Variants in ERCC8 observed in about 807,000 individuals in gnomAD.
ERCC8 encodes ERCC excision repair 8, CSA ubiquitin ligase complex subunit, also known as DNA excision repair protein ERCC-8.
In ERCC8, 52 loss-of-function variants were observed where a neutral mutation model predicts 54.9. That is an observed-to-expected ratio of 0.95 (90% confidence interval 0.76 to 1.19). The LOEUF is 1.19. Among genes scored for constraint, ERCC8 ranks in the 50% most tolerant of loss-of-function variants. The pLI is 0.00. For missense variants in ERCC8, 514 were observed against 466.1 expected (o/e 1.10, Z -0.95); for synonymous variants, 146 against 157.2 (o/e 0.93, Z 0.53).
At chr5:60,890,831 T>C in intron 10 of ERCC8, 58 bp downstream of exon 10, 2 of 1,216,740 alleles carry the variant, frequency 1.6e-6, no homozygotes, top group Non-Finnish European at 2.4e-6. Context: ...TTCTTTTACA[T>C]ATAACTGGTC....
In ERCC8 at chr5:60,899,838, T is replaced by A. The variant is rs1193850866; in HGVS notation, c.618-111A>T. The A allele has an allele frequency of 8.9e-6, 7 of 787,706 alleles. No homozygotes were observed. In the East Asian group the frequency reaches 1.7e-4, roughly 19 times the overall value. 48.8% of individuals were successfully genotyped at this position (787,706 alleles called of 1,614,324 possible). Reference sequence around the variant, plus strand: ...AGAGGTCTCGTTATATAGGTACATATGTATTCATACATTAGGGTTGTTGAA... The same window carrying A: ...AGAGGTCTCGTTATATAGGTACATAAGTATTCATACATTAGGGTTGTTGAA... On this transcript the variant is annotated intron_variant, in intron 7 of 11. Transcript: ENST00000676185.
intron 11 of ERCC8, 122 bp from the exon 12 acceptor site, chr5:60,874,805 T>C: frequency 2.6e-6 from 2 of 782,444 alleles, no homozygotes; most frequent in Non-Finnish European, 4.1e-6. Context: ...TGGAAGAAAA[T>C]GTATAACTGT....
intron 11 of ERCC8, among the ~76,000 whole-genome samples, chr5:60,878,949 A>C (rs1381501745): frequency 1.3e-5 from 2 of 151,912 alleles, no homozygotes; most frequent in Admixed American, 6.6e-5. Context: ...TAGTTCTTTT[A>C]ATTGTGATGT....
chr5:60,872,614 C>G lies in ERCC8; in HGVS notation c.*2001G>C, dbSNP rs1303095493. 1.3e-5 allele frequency among the ~76,000 whole-genome samples: 2 copies of G among 152,086 alleles called. No homozygotes were observed. The highest frequency in any genetic ancestry group is 4.8e-5 in the African/African-American group (2 of 41,440). ...CACCTAACACCTGTTAGAATGGCTA[C>G]TATCAATAACACAAAAGATAACAAG... On this transcript the variant is annotated 3_prime_UTR_variant, in exon 12 of 12. Coordinates refer to ENST00000676185, the MANE Select transcript of ERCC8 (RefSeq NM_000082.4).
At chr5:60,942,549 AG>A (rs1750292000) in intron 1 of ERCC8, among the ~76,000 whole-genome samples, 1 of 152,222 alleles carries the variant, frequency 6.6e-6, no homozygotes, top group Non-Finnish European at 1.5e-5. Flanking sequence ...CAGACAAAAA[AG>A]ATTCCATTTA....
In ERCC8 at chr5:60,873,444, G is replaced by A. The variant is rs1389743739; in HGVS notation, c.*1171C>T. The stretch of plus-strand genomic sequence containing the variant: ...AATTCCAGCACTTTGAGAGGCCGAG[G>A]CGGGTGGATCATTTGAGGTCAGCAG... On this transcript the variant is annotated 3_prime_UTR_variant, in exon 12 of 12. Transcript: ENST00000676185. Among the ~76,000 whole-genome samples the A allele has an allele frequency of 2.6e-5, 4 of 152,172 alleles. No homozygotes were observed.
intron 1 of ERCC8, among the ~76,000 whole-genome samples, chr5:60,942,464 CA>C (rs981560597): frequency 2.7e-5 from 4 of 150,550 alleles, no homozygotes; most frequent in Non-Finnish European, 4.4e-5. Context: ...TACTCCACAG[CA>C]AAAAAAAGGA....
chr5:60,938,960 T>C (rs367883713), intron 1 of ERCC8, among the ~76,000 whole-genome samples: 2 of 152,318 alleles, frequency 1.3e-5, no homozygotes, highest in East Asian at 3.9e-4. Flanking sequence ...TTGTAAAGTA[T>C]TTTAAAATAT....
chr5:60,908,670 G>A (rs1029389679), intron 4 of ERCC8, among the ~76,000 whole-genome samples: 1 of 149,772 alleles, frequency 6.7e-6, no homozygotes, highest in African/African-American at 2.5e-5. Flanking sequence ...TAGTGATGCT[G>A]CAAGTGGTAC....
intron 1 of ERCC8, among the ~76,000 whole-genome samples, chr5:60,937,912 G>A (rs1750115000): frequency 6.6e-6 from 1 of 151,814 alleles, no homozygotes; most frequent in Non-Finnish European, 1.5e-5. Flanking sequence ...TGCCAAGTTA[G>A]TCCTGCCTCC....
Position 60,874,620 on chromosome 5 carries a change from C to A in ERCC8, c.1186G>T (p.Gly396Ter), listed in dbSNP as rs1321425669. The change falls in exon 12 of 12, where the codon GGA becomes TGA. Residue 396 changes from glycine to a stop codon, truncating the protein, a stop_gained. Transcript: ENST00000676185. LOFTEE classifies it high-confidence loss of function. ...AAAGGTACTAAAGATGATATTCATC[C>A]TTCTTCATCACTGCTGCTCCAGGCA... ...EDAWSSSDEE[G>*] 1 of 1,612,656 alleles carries A rather than the reference C, an allele frequency of 6.2e-7. No homozygotes were observed. The highest frequency in any genetic ancestry group is 8.5e-7 in the Non-Finnish European group (1 of 1,179,486).
At chr5:60,909,152 G>A (rs1451869571) in intron 4 of ERCC8, among the ~76,000 whole-genome samples, 1 of 145,214 alleles carries the variant, frequency 6.9e-6, no homozygotes, top group Non-Finnish European at 1.5e-5. Context: ...AAAGGCAGCA[G>A]ATGAGTTTCC....
intron 9 of ERCC8, chr5:60,893,203 A>AT: frequency 5.2e-6 from 5 of 970,066 alleles, no homozygotes; most frequent in African/African-American, 1.6e-5. Context: ...ACATCAGAGT[A>AT]TTCTACCACC....
chr5:60,868,346 C>T lies in ERCC8; in HGVS notation c.*6269G>A, dbSNP rs1027032754. On this transcript the variant is annotated 3_prime_UTR_variant, in exon 12 of 12. Coordinates refer to ENST00000676185, the MANE Select transcript of ERCC8 (RefSeq NM_000082.4). ...TCTAGACCTCAGAAGAGCATGAACT[C>T]GGAGAGCGGTTATCAATCCACTAGC... Among the ~76,000 whole-genome samples the T allele has an allele frequency of 6.0e-4, 91 of 152,248 alleles. 1 individual carries two copies. Among genetic ancestry groups the T allele is most frequent in the South Asian group, 4.1e-4 (2 of 4,830 alleles).
At chr5:60,903,764 C>A (rs756333058) in intron 5 of ERCC8, 48 bp from the exon 6 acceptor site, 6 of 1,562,338 alleles carry the variant, frequency 3.8e-6, no homozygotes, top group Non-Finnish European at 4.4e-6. Context: ...AAGTCATCAT[C>A]AAAAGGAAAC....
chr5:60,940,796 C>T (rs6889899), intron 1 of ERCC8, among the ~76,000 whole-genome samples: 1 of 152,174 alleles, frequency 6.6e-6, no homozygotes, highest in African/African-American at 2.4e-5. Context: ...CCTAATCTTG[C>T]TAATTAAATG....
rs1415452556 is a variant in ERCC8, at chr5:60,890,812, C to A, written c.1041+77G>T. 7.6e-6 allele frequency: 8 copies of A among 1,050,930 alleles called. No individual in the cohort carries two copies. The Admixed American group carries it at 9.2e-5, about 12-fold the overall frequency. 65.1% of individuals were successfully genotyped at this position (1,050,930 alleles called of 1,614,324 possible). ...AAAGCATAACTCCTCAGAATAAAAT[C>A]ATAATTTATTCTTTTACATATAACT... On this transcript the variant is annotated intron_variant, in intron 10 of 11. Coordinates refer to ENST00000676185, the MANE Select transcript of ERCC8 (RefSeq NM_000082.4).
chr5:60,944,165 C>G (rs1173407446), intron 1 of ERCC8, among the ~76,000 whole-genome samples: 1 of 152,112 alleles, frequency 6.6e-6, no homozygotes, highest in East Asian at 1.9e-4. Flanking sequence ...TTTTGTCATT[C>G]ACGTATCCAC....
At chr5:60,931,283 AT>A (rs1238363191) in intron 1 of ERCC8, among the ~76,000 whole-genome samples, 2 of 152,134 alleles carry the variant, frequency 1.3e-5, no homozygotes, top group African/African-American at 4.8e-5. Flanking sequence ...GCTGAGCCGC[AT>A]TTGAACTTTA....
Sources: gnomAD v4.1 joint callset for allele counts (sites outside exome capture counted in the v4.1 genomes callset) on GRCh38, gnomAD v4.1.1 for gene constraint, MANE v1.5 for transcripts, NCBI Gene and HGNC (gene_info 2026-07-23, HGNC 2026-07-21) for gene names.